The following GABPB1 variants were observed in gnomAD, a reference collection of about 807,000 sequenced individuals.
GABPB1 encodes the protein GA-binding protein subunit beta-1.
In GABPB1, 15 loss-of-function variants were observed where a neutral mutation model predicts 45.9. The ratio of observed to expected loss-of-function variants is 0.33; its 90% CI spans 0.22 to 0.50. GABPB1 has a LOEUF of 0.50. Among genes scored for constraint, GABPB1 ranks in the 20% least tolerant of loss-of-function variants. GABPB1 has a pLI of 0.98. For synonymous variants in GABPB1, 143 were observed against 154.4 expected (o/e 0.93, Z 0.55); for missense variants, 252 against 457.5 (o/e 0.55, Z 4.10).
At chr15:50,340,194 C>A (rs2048300227) in intron 1 of GABPB1, among the ~76,000 whole-genome samples, 1 of 152,126 alleles carries the variant, frequency 6.6e-6, no homozygotes, top group Admixed American at 6.6e-5. Flanking sequence ...GGGCCCTCAC[C>A]AGCCATGGAA....
At chr15:50,351,552 T>A (rs1595860260) in intron 1 of GABPB1, 1 of 151,708 alleles carries the variant, frequency 6.6e-6, no homozygotes, top group Non-Finnish European at 1.5e-5. Context: ...GCACTAAGCC[T>A]GGGTAACAGA....
intron 1 of GABPB1, among the ~76,000 whole-genome samples, chr15:50,316,411 T>C (rs193026739): frequency 5.9e-5 from 9 of 152,328 alleles, no homozygotes; most frequent in African/African-American, 1.7e-4. Context: ...ACGTGAATGG[T>C]TACTAGCACT....
chr15:50,340,969 A>G (rs1396319576), intron 1 of GABPB1, among the ~76,000 whole-genome samples: 2 of 132,226 alleles, frequency 1.5e-5, no homozygotes, highest in Non-Finnish European at 3.2e-5. Flanking sequence ...CATATTACAT[A>G]TGGTTTATTA....
intron 1 of GABPB1, among the ~76,000 whole-genome samples, chr15:50,331,214 G>C (rs917083344): frequency 3.9e-5 from 6 of 152,202 alleles, no homozygotes; most frequent in Non-Finnish European, 8.8e-5. Flanking sequence ...CATAAGGCAA[G>C]GGTACAGTCA....
chr15:50,334,627 C>G (rs1232384707), intron 1 of GABPB1, among the ~76,000 whole-genome samples: 1 of 150,422 alleles, frequency 6.6e-6, no homozygotes, highest in African/African-American at 2.4e-5. Flanking sequence ...CCCACATCAG[C>G]CTCCGGAGTA....
At chr15:50,341,833 C>T (rs2048385503) in intron 1 of GABPB1, among the ~76,000 whole-genome samples, 1 of 152,106 alleles carries the variant, frequency 6.6e-6, no homozygotes, top group South Asian at 2.1e-4. Flanking sequence ...GAGATGGTAC[C>T]TTACTTCCCA....
At chr15:50,318,942 G>T (rs748030812) in intron 1 of GABPB1, among the ~76,000 whole-genome samples, 3 of 152,144 alleles carry the variant, frequency 2.0e-5, no homozygotes, top group Admixed American at 6.6e-5. Context: ...GATTAGCTAA[G>T]AATAATAGTT....
At chr15:50,286,288 T>C in intron 7 of GABPB1, 105 bp from the exon 8 acceptor site, 2 of 717,586 alleles carry the variant, frequency 2.8e-6, no homozygotes, top group Non-Finnish European at 4.1e-6. Flanking sequence ...ATAACTACAT[T>C]CCAAAACAAT....
Position 50,354,618 on chromosome 15 carries a change from C to T in GABPB1, c.-1+367G>A, listed in dbSNP as rs772965670. 249 of 443,554 alleles carry T rather than the reference C, an allele frequency of 5.6e-4. 1 individual carries two copies. The highest frequency in any genetic ancestry group is 2.3e-3 in the Middle Eastern group (7 of 3,046). 27.5% of individuals were successfully genotyped at this position (443,554 alleles called of 1,614,324 possible). A position where few individuals can be genotyped will look rare whatever the true frequency, so the allele number is the denominator to read the frequency against. ...CCAGTCGCCCGCAGAACCTCCGCTGCCTCGGCGCGACCCCATCGCCACCCC... is the reference window on the plus strand; with the variant it reads ...CCAGTCGCCCGCAGAACCTCCGCTGTCTCGGCGCGACCCCATCGCCACCCC... On this transcript the variant is annotated intron_variant, in intron 1 of 8. Coordinates refer to ENST00000380877, the MANE Select transcript of GABPB1 (RefSeq NM_016654.5).
At chr15:50,330,906 T>C (rs1055624320) in intron 1 of GABPB1, among the ~76,000 whole-genome samples, 1 of 152,056 alleles carries the variant, frequency 6.6e-6, no homozygotes, top group African/African-American at 2.4e-5. Flanking sequence ...ATAAACGGTA[T>C]GAAGAAAAAG....
At chr15:50,354,798 G>GGCCGACCCC (rs963601109) in intron 1 of GABPB1, 187 bp downstream of exon 1, 3 of 230,128 alleles carry the variant, frequency 1.3e-5, no homozygotes, top group African/African-American at 2.4e-5. Flanking sequence ...CGGGCGCCCA[G>GGCCGACCCC]GCCGACCCCG....
chr15:50,345,710 ATTTTTTTTTGTTT>A (rs1344729136), intron 1 of GABPB1, among the ~76,000 whole-genome samples: 1 of 150,696 alleles, frequency 6.6e-6, no homozygotes, highest in Non-Finnish European at 1.5e-5. Context: ...ATGTCTGTAC[ATTTTTTTTTGTTT>A]TTTTTTTAGA....
At chr15:50,288,037 C>A (rs1172756357) in intron 7 of GABPB1, among the ~76,000 whole-genome samples, 3 of 152,132 alleles carry the variant, frequency 2.0e-5, no homozygotes, top group Non-Finnish European at 4.4e-5. Flanking sequence ...GCTCTACAAT[C>A]CTACTCATTT....
Position 50,278,664 on chromosome 15 carries a change from T to C in GABPB1, c.1120A>G (p.Thr374Ala). The C allele has an allele frequency of 6.2e-7, 1 of 1,612,946 alleles. No homozygotes were observed. ...EAYRQKLEAM[T>A]RLQTNKEAV The stretch of plus-strand genomic sequence containing the variant: ...GCTTCTTTATTAGTCTGAAGACGAG[T>C]CATAGCTTCCAACTTCTGTCTGTAG... The change falls in exon 9 of 9, where the codon ACT becomes GCT. Residue 374 changes from threonine (T) to alanine (A), a missense_variant. By Grantham distance (58) the Thr-to-Ala change is moderately conservative (BLOSUM62 0). Transcript: ENST00000380877.
At chr15:50,315,789 T>A (rs2141071233) in intron 1 of GABPB1, among the ~76,000 whole-genome samples, 1 of 152,302 alleles carries the variant, frequency 6.6e-6, no homozygotes, top group Non-Finnish European at 1.5e-5. Context: ...TATATTAAAA[T>A]TCTGGACGGG....
At chr15:50,294,666 C>T (rs2046453680) in intron 6 of GABPB1, among the ~76,000 whole-genome samples, 1 of 152,124 alleles carries the variant, frequency 6.6e-6, no homozygotes, top group African/African-American at 2.4e-5. Flanking sequence ...ATACATACCC[C>T]TTAAAGCCAA....
At chr15:50,314,710 C>T (rs1248916712) in intron 1 of GABPB1, 1 of 152,208 alleles carries the variant, frequency 6.6e-6, no homozygotes, top group African/African-American at 2.4e-5. Context: ...AGATAATTTT[C>T]AAAGATTCCA....
At chr15:50,352,058 G>T (rs2048852680) in intron 1 of GABPB1, 1 of 152,144 alleles carries the variant, frequency 6.6e-6, no homozygotes, top group Admixed American at 6.5e-5. Context: ...AGTCAGAAGA[G>T]ATGGAGGCCA....
chr15:50,328,239 A>G (rs1457188208), intron 1 of GABPB1, among the ~76,000 whole-genome samples: 1 of 139,000 alleles, frequency 7.2e-6, no homozygotes, highest in South Asian at 2.2e-4. Context: ...ATTCCTTTCT[A>G]AAAAAAAAAA....
Sources: allele counts gnomAD v4.1 joint callset (sites outside exome capture counted in the v4.1 genomes callset), GRCh38; gene constraint gnomAD v4.1.1; transcripts MANE v1.5; gene names NCBI Gene and HGNC (gene_info 2026-07-23, HGNC 2026-07-21).